Variants in CADM2 observed in about 807,000 individuals in gnomAD.
CADM2 encodes the protein cell adhesion molecule 2.
Under a neutral mutation model 49.8 loss-of-function variants are expected in CADM2, and 12 were observed. The ratio of observed to expected loss-of-function variants is 0.24; its 90% CI spans 0.15 to 0.39. The LOEUF (loss-of-function observed/expected upper bound fraction) is 0.39, where lower values mean the gene tolerates loss of function less well. Among genes scored for constraint, CADM2 ranks in the 10% least tolerant of loss-of-function variants. The pLI is 1.00. For missense variants in CADM2, 378 were observed against 492.3 expected, an observed-to-expected ratio of 0.77 and a Z score of 2.20; for synonymous variants, 214 against 175.4, an observed-to-expected ratio of 1.22 and a Z score of -1.74.
chr3:85,339,560 T>C (rs1428566756), intron 1 of CADM2, among the ~76,000 whole-genome samples: 2 of 151,388 alleles, frequency 1.3e-5, no homozygotes, highest in Non-Finnish European at 3.0e-5. Flanking sequence ...TCTTTCTATT[T>C]TTCTCATCTT....
At position 85,382,691 on chromosome 3, in the gene CADM2, A is replaced by G. The variant is rs202194430; in HGVS notation, c.62-343831A>G. Among the ~76,000 whole-genome samples the G allele has an allele frequency of 3.3e-5, 5 of 152,288 alleles. No homozygotes were observed. The East Asian group carries it at 9.6e-4, about 29-fold the overall frequency. The stretch of plus-strand genomic sequence containing the variant: ...ACTCTTAAAAATTAAAATTTGAAGG[A>G]AAATACAACTTTTCAAATGATCTTA... On this transcript the variant is annotated intron_variant, in intron 1 of 9. Transcript: ENST00000383699.
chr3:84,970,067 T>A lies in CADM2; in HGVS notation c.61+10399T>A, dbSNP rs934222208. ...TGCTTTTTTTTTTTTTTTTTTTTTTTACTGCCAAGCTAGAGAGTAGAGGTT... is the reference window on the plus strand; with the variant it reads ...TGCTTTTTTTTTTTTTTTTTTTTTTAACTGCCAAGCTAGAGAGTAGAGGTT... On this transcript the variant is annotated intron_variant, in intron 1 of 9. Transcript: ENST00000383699. Among the ~76,000 whole-genome samples the A allele has an allele frequency of 7.5e-5, 11 of 145,902 alleles. No homozygotes were observed. In the East Asian group the frequency reaches 1.6e-3, roughly 22 times the overall value.
rs557113684 is a variant in CADM2 at position 85,438,225 on chromosome 3, A to G, written c.62-288297A>G. ...AATTCATACCATGATCTTAACAAAA[A>G]AATTTACTTATCTTTTTAAGACATT... On this transcript the variant is annotated intron_variant, in intron 1 of 9. Coordinates refer to ENST00000383699, the MANE Select transcript of CADM2 (RefSeq NM_001167675.2). Among the ~76,000 whole-genome samples the G allele has an allele frequency of 2.0e-5, 3 of 152,204 alleles. No homozygotes were observed. In the East Asian group the frequency reaches 5.8e-4, roughly 29 times the overall value.
intron 4 of CADM2, 57 bp downstream of exon 4, chr3:85,883,500 A>G: frequency 3.6e-6 from 5 of 1,391,866 alleles, no homozygotes; most frequent in Non-Finnish European, 4.9e-6. Flanking sequence ...ATATATTGCT[A>G]CAGCAACATA....
intron 1 of CADM2, among the ~76,000 whole-genome samples, chr3:85,018,005 G>C (rs1438497163): frequency 6.6e-6 from 1 of 152,110 alleles, no homozygotes; most frequent in African/African-American, 2.4e-5. Context: ...TTACATAACA[G>C]ACTTGTCAGA....
At chr3:85,939,835 T>A (rs1295278793) in intron 7 of CADM2, among the ~76,000 whole-genome samples, 1 of 147,984 alleles carries the variant, frequency 6.8e-6, no homozygotes, top group Non-Finnish European at 1.5e-5. Context: ...CACATAACAT[T>A]CCAATTCTAT....
intron 3 of CADM2, among the ~76,000 whole-genome samples, chr3:85,873,909 G>C (rs1354649365): frequency 6.6e-6 from 1 of 152,018 alleles, no homozygotes; most frequent in Non-Finnish European, 1.5e-5. Context: ...ATATTAGTAA[G>C]AAGTGGGGAA....
intron 1 of CADM2, among the ~76,000 whole-genome samples, chr3:85,028,858 T>A (rs1442912790): frequency 2.6e-5 from 4 of 151,926 alleles, no homozygotes; most frequent in Non-Finnish European, 4.4e-5. Flanking sequence ...CTCAACTTTT[T>A]AAAATATATT....
intron 3 of CADM2, among the ~76,000 whole-genome samples, chr3:85,849,980 G>A (rs950678603): frequency 1.3e-5 from 2 of 152,108 alleles, no homozygotes; most frequent in Admixed American, 1.3e-4. Flanking sequence ...TCAGGATACC[G>A]TAAAGAACTG....
intron 1 of CADM2, among the ~76,000 whole-genome samples, chr3:85,258,594 C>T (rs1484387855): frequency 3.9e-5 from 6 of 151,986 alleles, no homozygotes; most frequent in South Asian, 4.2e-4. Context: ...GAAGCCAAGA[C>T]GCTATCCAAT....
chr3:85,605,870 C>T (rs1000587152), intron 1 of CADM2, among the ~76,000 whole-genome samples: 16 of 152,092 alleles, frequency 1.1e-4, no homozygotes, highest in Admixed American at 2.0e-4. Flanking sequence ...AATTAGGAAA[C>T]TCTTTCCTGA....
chr3:85,925,523 A>C (rs1288128253), intron 6 of CADM2, among the ~76,000 whole-genome samples: 1 of 152,208 alleles, frequency 6.6e-6, no homozygotes, highest in Non-Finnish European at 1.5e-5. Context: ...TTAGAAAAAC[A>C]CAATTGTACC....
At chr3:85,377,358 A>C (rs890374265) in intron 1 of CADM2, among the ~76,000 whole-genome samples, 3 of 152,066 alleles carry the variant, frequency 2.0e-5, no homozygotes, top group Non-Finnish European at 2.9e-5. Flanking sequence ...GAGGCTGGGA[A>C]GGACCTTCTG....
chr3:85,919,396 A>G (rs1335807640), intron 6 of CADM2, among the ~76,000 whole-genome samples: 1 of 151,992 alleles, frequency 6.6e-6, no homozygotes, highest in Non-Finnish European at 1.5e-5. Context: ...GGCTGAAGGA[A>G]AGGAGGAAGG....
At chr3:85,759,252 T>G (rs533255021) in intron 2 of CADM2, among the ~76,000 whole-genome samples, 5 of 152,216 alleles carry the variant, frequency 3.3e-5, no homozygotes, top group Admixed American at 6.5e-5. Context: ...CTAGTTCTCT[T>G]CTGCATTACC....
chr3:85,596,991 A>G (rs1166817957), intron 1 of CADM2, among the ~76,000 whole-genome samples: 1 of 152,140 alleles, frequency 6.6e-6, no homozygotes, highest in East Asian at 1.9e-4. Flanking sequence ...TGCTGGGATT[A>G]CAGGTGTGAG....
At chr3:85,927,074 A>G (rs562611187) in intron 6 of CADM2, among the ~76,000 whole-genome samples, 6 of 152,310 alleles carry the variant, frequency 3.9e-5, no homozygotes, top group Non-Finnish European at 7.4e-5. Flanking sequence ...GGTATGCTTT[A>G]TAAGAGTTTG....
chr3:85,369,096 A>G (rs1194886452), intron 1 of CADM2, among the ~76,000 whole-genome samples: 1 of 152,208 alleles, frequency 6.6e-6, no homozygotes, highest in Non-Finnish European at 1.5e-5. Flanking sequence ...TTAAGATTAA[A>G]TACATTATTG....
chr3:85,781,199 A>G (rs2070626954), intron 2 of CADM2, among the ~76,000 whole-genome samples: 1 of 152,182 alleles, frequency 6.6e-6, no homozygotes, highest in African/African-American at 2.4e-5. Flanking sequence ...TCTATCACGT[A>G]GCTGGAAAAC....
Sources: allele counts gnomAD v4.1 joint callset (sites outside exome capture counted in the v4.1 genomes callset), GRCh38; gene constraint gnomAD v4.1.1; transcripts MANE v1.5; gene names NCBI Gene and HGNC (gene_info 2026-07-23, HGNC 2026-07-21).